Variants in THOC2 observed in about 807,000 individuals in gnomAD.
THOC2 encodes the protein THO complex 2.
In THOC2, 10 loss-of-function variants were observed where a neutral mutation model predicts 128.4. The ratio of observed to expected loss-of-function variants is 0.08; its 90% CI spans 0.05 to 0.13. THOC2 has a LOEUF of 0.13. Among genes scored for constraint, THOC2 ranks in the 10% least tolerant of loss-of-function variants. The probability of loss-of-function intolerance (pLI) is 1.00; values close to 1 mark genes in which losing one functional copy is unlikely to be tolerated. For missense variants in THOC2, 535 were observed against 1,155.7 expected, an observed-to-expected ratio of 0.46 and a Z score of 7.79; for synonymous variants, 393 against 396.9, an observed-to-expected ratio of 0.99 and a Z score of 0.12.
At chrX:123,720,977 GAGA>G (rs1158819043) in intron 1 of THOC2, among the ~76,000 whole-genome samples, 2 of 111,550 alleles carry the variant, frequency 1.8e-5, no homozygotes, top group Admixed American at 9.6e-5. Flanking sequence ...AAAAGATCAG[GAGA>G]AGATCTGCTA....
intron 12 of THOC2, among the ~76,000 whole-genome samples, chrX:123,652,663 T>C (rs755287383): frequency 9.0e-6 from 1 of 111,464 alleles, no homozygotes; most frequent in East Asian, 2.8e-4. Flanking sequence ...ATGAGTGAAC[T>C]CCCGTTCACA....
rs779166212 is a variant in THOC2 at position 123,667,130 on chromosome X, A to G, written c.1166T>C (p.Ile389Thr). 8.4e-7 allele frequency: 1 copy of G among 1,196,921 alleles called. No individual in the cohort carries two copies. Among genetic ancestry groups the G allele is most frequent in the Non-Finnish European group, 1.1e-6 (1 of 888,823 alleles). ...IALAICKLIHITIEPLYRRVG... is the reference protein window; with the variant it reads ...IALAICKLIHTTIEPLYRRVG... The stretch of plus-strand genomic sequence containing the variant: ...CCTTCGGTAGAGAGGCTCAATAGTT[A>G]TATGAATGAGCTTGCAAATAGCAAG... The change falls in exon 11 of 39, where the codon ATA (isoleucine) becomes ACA (threonine). Residue 389 changes from isoleucine to threonine, a missense_variant. By Grantham distance (89) the Ile-to-Thr change is moderately conservative. Coordinates refer to ENST00000245838, the MANE Select transcript of THOC2 (RefSeq NM_001081550.2).
intron 18 of THOC2, among the ~76,000 whole-genome samples, chrX:123,637,526 G>A (rs924678016): frequency 9.9e-5 from 11 of 111,167 alleles, no homozygotes; most frequent in Non-Finnish European, 1.9e-4. Flanking sequence ...TTTGGGAGCC[G>A]AGGTGGGCGG....
At chrX:123,641,407 C>A (rs962808565) in intron 15 of THOC2, among the ~76,000 whole-genome samples, 3 of 112,023 alleles carry the variant, frequency 2.7e-5, no homozygotes, top group Non-Finnish European at 5.6e-5. Flanking sequence ...TGACCATTCT[C>A]CAAGTGACGA....
At chrX:123,618,713 G>A (rs1336778653) in intron 33 of THOC2, among the ~76,000 whole-genome samples, 2 of 111,755 alleles carry the variant, frequency 1.8e-5, no homozygotes, top group Non-Finnish European at 3.8e-5. Flanking sequence ...GACAATTCAA[G>A]TATAATACTG....
rs1011095694 is a variant in THOC2 at position 123,641,033 on chromosome X, T to G, written c.1662-411A>C. ...ATGCAATGAAATGTCTCGTGCCATCTGTCTCAGTGACTCTAACAGAGTTAC... is the reference window on the plus strand; with the variant it reads ...ATGCAATGAAATGTCTCGTGCCATCGGTCTCAGTGACTCTAACAGAGTTAC... On this transcript the variant is annotated intron_variant, in intron 15 of 38. Transcript: ENST00000245838. 4.5e-5 allele frequency among the ~76,000 whole-genome samples: 5 copies of G among 112,064 alleles called. No individual in the cohort carries two copies. In the East Asian group the frequency reaches 1.4e-3, roughly 31 times the overall value.
chrX:123,641,774 A>C, intron 15 of THOC2, among the ~76,000 whole-genome samples: 1 of 111,956 alleles, frequency 8.9e-6, no homozygotes, highest in Non-Finnish European at 1.9e-5. Context: ...AGTGTCTAGC[A>C]TATGGAACAT....
intron 12 of THOC2, among the ~76,000 whole-genome samples, chrX:123,664,413 C>G (rs906580275): frequency 8.9e-6 from 1 of 112,413 alleles, no homozygotes; most frequent in Non-Finnish European, 1.9e-5. Context: ...TCAGAGTGAA[C>G]TGGCAACCTA....
chrX:123,642,429 C>CAAAAAAAAAAAAAAA (rs746333788), intron 15 of THOC2, among the ~76,000 whole-genome samples: 1 of 72,636 alleles, frequency 1.4e-5, no homozygotes, highest in Non-Finnish European at 2.7e-5. Context: ...CTCCATCTCC[C>CAAAAAAAAAAAAAAA]AAAAAAAAAA....
At chrX:123,730,181 TG>T (rs1434837514) in intron 1 of THOC2, among the ~76,000 whole-genome samples, 32 of 92,872 alleles carry the variant, frequency 3.4e-4, no homozygotes, top group East Asian at 9.9e-4. Flanking sequence ...TTTGGGTTTT[TG>T]TTTTTTTTTT....
In THOC2 at chrX:123,636,072, T is replaced by C. The variant is rs2047662961; in HGVS notation, c.2018+7A>G. The C allele has an allele frequency of 1.7e-6, 2 of 1,191,785 alleles. No homozygotes were observed. The highest frequency in any genetic ancestry group is 2.2e-5 in the Admixed American group (1 of 45,477). ...GAATTTCATTATGTATAATTTGCTA[T>C]GAATACCTTTTGCCCGCCTTTAGCT... On this transcript the variant is annotated splice_region_variant and intron_variant, in intron 19 of 38. Coordinates refer to ENST00000245838, the MANE Select transcript of THOC2 (RefSeq NM_001081550.2).
chrX:123,680,169 C>T (rs1358008220), intron 8 of THOC2, among the ~76,000 whole-genome samples: 2 of 110,125 alleles, frequency 1.8e-5, no homozygotes, highest in African/African-American at 6.6e-5. Flanking sequence ...TCTCCTGCTC[C>T]TCCCTGGGCA....
At chrX:123,686,955 A>G (rs763249636) in intron 7 of THOC2, among the ~76,000 whole-genome samples, 36 of 112,117 alleles carry the variant, frequency 3.2e-4, no homozygotes, top group African/African-American at 1.1e-3. Context: ...AGTATAGTCC[A>G]GGACCAGTGA....
chrX:123,687,350 GT>G (rs753174042), intron 7 of THOC2, among the ~76,000 whole-genome samples: 1 of 111,691 alleles, frequency 9.0e-6, no homozygotes, highest in East Asian at 2.8e-4. Flanking sequence ...GAGGCTCCTG[GT>G]TTACGTCAGT....
chrX:123,649,990 C>T (rs759995637), intron 12 of THOC2, among the ~76,000 whole-genome samples: 4 of 110,886 alleles, frequency 3.6e-5, no homozygotes, highest in Non-Finnish European at 7.5e-5. Flanking sequence ...AGAGCAACCC[C>T]AAGACACATA....
intron 12 of THOC2, among the ~76,000 whole-genome samples, chrX:123,656,513 A>G (rs2048594735): frequency 9.0e-6 from 1 of 110,741 alleles, no homozygotes; most frequent in Non-Finnish European, 1.9e-5. Context: ...GTTTTAGACC[A>G]GCCTAGCCAA....
chrX:123,655,502 A>G (rs2048534563), intron 12 of THOC2, among the ~76,000 whole-genome samples: 1 of 111,967 alleles, frequency 8.9e-6, no homozygotes, highest in African/African-American at 3.2e-5. Flanking sequence ...TAAAAACTGA[A>G]AGGATAGTAT....
intron 25 of THOC2, among the ~76,000 whole-genome samples, chrX:123,625,114 C>G: frequency 1.8e-5 from 2 of 111,295 alleles, no homozygotes; most frequent in Admixed American, 1.9e-4. Flanking sequence ...TGTTTTGAGA[C>G]TGAGTCTTAC....
intron 1 of THOC2, among the ~76,000 whole-genome samples, chrX:123,719,771 A>C (rs2051605262): frequency 1.0e-5 from 1 of 99,083 alleles, no homozygotes. Context: ...CTGTCTCTAC[A>C]AAAAAAAAAA....
Sources: gnomAD v4.1 joint callset for allele counts (sites outside exome capture counted in the v4.1 genomes callset) on GRCh38, gnomAD v4.1.1 for gene constraint, MANE v1.5 for transcripts, NCBI Gene and HGNC (gene_info 2026-07-23, HGNC 2026-07-21) for gene names.